The following XRN1 variants were observed in gnomAD, a reference collection of about 807,000 sequenced individuals.
XRN1 encodes the protein 5'-3' exoribonuclease 1, also known as strand-exchange protein 1 homolog.
A neutral mutation model predicts 222.3 loss-of-function variants in XRN1; 67 were observed. That is an observed-to-expected ratio of 0.30 (90% CI 0.25 to 0.37). The LOEUF (loss-of-function observed/expected upper bound fraction) is 0.37, where lower values mean the gene tolerates loss of function less well. Ranked by LOEUF, XRN1 falls within the 10% of genes least tolerant of loss-of-function variation. The probability of loss-of-function intolerance (pLI) is 1.00; values close to 1 mark genes in which losing one functional copy is unlikely to be tolerated. For missense variants in XRN1, 1,707 were observed against 2,000.2 expected, an observed-to-expected ratio of 0.85 and a Z score of 2.80; for synonymous variants, 643 against 652.4, an observed-to-expected ratio of 0.99 and a Z score of 0.22.
chr3:142,328,827 T>G (rs926472600), intron 37 of XRN1, among the ~76,000 whole-genome samples: 3 of 142,390 alleles, frequency 2.1e-5, no homozygotes, highest in Admixed American at 7.3e-5. Context: ...GGCATAATCG[T>G]GGCTCACTGA....
chr3:142,332,603 A>T, intron 35 of XRN1, 69 bp from the exon 36 acceptor site: 5 of 1,361,852 alleles, frequency 3.7e-6, no homozygotes, highest in Non-Finnish European at 4.0e-6. Context: ...CATCTGTAGA[A>T]CTTATTGATC....
chr3:142,410,442 G>C (rs561645272), intron 15 of XRN1, among the ~76,000 whole-genome samples: 39 of 148,124 alleles, frequency 2.6e-4, no homozygotes, highest in African/African-American at 7.2e-4. Context: ...ATCCCATTTG[G>C]TCATGAGTAT....
intron 12 of XRN1, 49 bp from the exon 13 acceptor site, chr3:142,417,278 G>C (rs374181180): frequency 6.6e-7 from 1 of 1,510,400 alleles, no homozygotes; most frequent in South Asian, 1.1e-5. Flanking sequence ...AGACAGGCCC[G>C]TGTCTTTAGA....
chr3:142,419,054 T>A (rs1478677946), intron 10 of XRN1, among the ~76,000 whole-genome samples, 173 bp from the exon 11 acceptor site: 1 of 152,220 alleles, frequency 6.6e-6, no homozygotes. Context: ...CTCTCCTCTA[T>A]TCTCTGATTT....
At chr3:142,318,438 G>T (rs1194085726) in intron 39 of XRN1, among the ~76,000 whole-genome samples, 154 bp downstream of exon 39, 1 of 152,140 alleles carries the variant, frequency 6.6e-6, no homozygotes, top group East Asian at 1.9e-4. Context: ...GGAAGAGAAT[G>T]GTACTTTTAG....
intron 5 of XRN1, among the ~76,000 whole-genome samples, chr3:142,424,894 T>C (rs2069186077): frequency 6.6e-6 from 1 of 152,096 alleles, no homozygotes; most frequent in African/African-American, 2.4e-5. Flanking sequence ...ATCTGGAGCA[T>C]GGAGTTTTCA....
rs1341403353 is a variant in XRN1 at position 142,432,139 on chromosome 3, AAATATAT to A, written c.308+515_308+521del. 2.0e-3 allele frequency among the ~76,000 whole-genome samples: 254 copies of A among 127,132 alleles called. 1 individual carries two copies. The highest frequency in any genetic ancestry group is 7.2e-3 in the African/African-American group (233 of 32,392). The allele number at this position is 127,132 out of a possible 152,430, so 83.4% of individuals were successfully genotyped here. On this transcript the variant is annotated intron_variant, in intron 2 of 40. Transcript: ENST00000392981. ...ATATAAATATATTTTCATATATATA[AAATATAT>A]AATATATAATTTATATATAAATATA...
chr3:142,375,974 G>GCGTGCACACA, intron 24 of XRN1, 30 bp from the exon 25 acceptor site: 2 of 1,447,366 alleles, frequency 1.4e-6, no homozygotes, highest in South Asian at 2.8e-5. Flanking sequence ...GCGCACACGT[G>GCGTGCACACA]CACACACACA....
intron 33 of XRN1, among the ~76,000 whole-genome samples, chr3:142,341,945 C>G (rs2066005874): frequency 6.6e-6 from 1 of 152,072 alleles, no homozygotes; most frequent in African/African-American, 2.4e-5. Context: ...GCAAATATTA[C>G]TGGAGCTAAA....
At chr3:142,331,844 G>C (rs1181510196) in intron 36 of XRN1, among the ~76,000 whole-genome samples, 5 of 152,030 alleles carry the variant, frequency 3.3e-5, no homozygotes, top group Non-Finnish European at 4.4e-5. Context: ...GCGTGATCTT[G>C]GCTCACTGCA....
At position 142,426,860 on chromosome 3, in the gene XRN1, A is replaced by G. The variant is rs759736882; in HGVS notation, c.309-19T>C. ...TGCTGACCTTAAAGGTTAAGGGAAA[A>G]AAGTACCTTAAGTTTTCTGAAAAAA... On this transcript the variant is annotated intron_variant, in intron 2 of 40. Coordinates refer to ENST00000392981, the MANE Select transcript of XRN1 (RefSeq NM_001282857.2). 2 of 1,600,384 alleles carry G rather than the reference A, an allele frequency of 1.2e-6. No homozygotes were observed.
chr3:142,375,779 T>C lies in XRN1; in HGVS notation c.2978+19A>G, dbSNP rs1190487733. The C allele has an allele frequency of 7.5e-6, 12 of 1,596,450 alleles. No individual in the cohort carries two copies. Among genetic ancestry groups the C allele is most frequent in the South Asian group, 2.3e-5 (2 of 88,192 alleles). The stretch of plus-strand genomic sequence containing the variant: ...CCTAAGATTTTGGAATGACTACTAG[T>C]ATCTTATTATGTACTTACCTCTCTA... On this transcript the variant is annotated intron_variant, in intron 25 of 40. Coordinates refer to ENST00000392981, the MANE Select transcript of XRN1 (RefSeq NM_001282857.2).
chr3:142,405,541 A>T (rs1000933662), intron 15 of XRN1, among the ~76,000 whole-genome samples: 1 of 152,192 alleles, frequency 6.6e-6, no homozygotes, highest in Admixed American at 6.5e-5. Flanking sequence ...AGAATAAGAT[A>T]CCAGTGTTAA....
At chr3:142,347,765 T>A (rs958345444) in intron 32 of XRN1, among the ~76,000 whole-genome samples, 1 of 151,548 alleles carries the variant, frequency 6.6e-6, no homozygotes, top group Non-Finnish European at 1.5e-5. Flanking sequence ...GCCTGGCTAG[T>A]TTTTGTATTT....
At chr3:142,346,094 C>A (rs531830722) in intron 33 of XRN1, among the ~76,000 whole-genome samples, 1 of 152,326 alleles carries the variant, frequency 6.6e-6, no homozygotes, top group South Asian at 2.1e-4. Flanking sequence ...ATATTCATAG[C>A]AGCATTATTC....
At chr3:142,319,506 T>C (rs1247779980) in intron 37 of XRN1, among the ~76,000 whole-genome samples, 1 of 152,172 alleles carries the variant, frequency 6.6e-6, no homozygotes, top group Non-Finnish European at 1.5e-5. Context: ...AAAAGCTTGT[T>C]TTGTTTTGGT....
At position 142,447,977 on chromosome 3, in the gene XRN1, A is replaced by T. The variant is rs1268788315; in HGVS notation, c.-33T>A. 1.2e-6 allele frequency: 2 copies of T among 1,609,498 alleles called. No homozygotes were observed. Among genetic ancestry groups the T allele is most frequent in the South Asian group, 1.1e-5 (1 of 90,788 alleles). ...GTCAACACTAATCCCAGTCAGGGCC[A>T]AACCGAAACCAAACGCCCCGCCGGG... is the stretch of plus-strand genomic sequence containing the variant. On this transcript the variant is annotated 5_prime_UTR_variant, in exon 1 of 41. Transcript: ENST00000392981. The surrounding 1 kb of genome is among the most constrained non-coding windows in gnomAD (Gnocchi z 4.2).
intron 1 of XRN1, among the ~76,000 whole-genome samples, chr3:142,439,098 A>C (rs2070071878): frequency 1.3e-5 from 2 of 152,212 alleles, no homozygotes; most frequent in Non-Finnish European, 2.9e-5. Context: ...GACTTAAAGC[A>C]AATTAAAATA....
In XRN1 at chr3:142,422,868, T is replaced by G; in HGVS notation, c.765A>C (p.Arg255Ser). 6.2e-7 allele frequency: 1 copy of G among 1,612,550 alleles called. No homozygotes were observed. The highest frequency in any genetic ancestry group is 8.5e-7 in the Non-Finnish European group (1 of 1,179,014). Residue 255 changes from arginine (R) to serine (S), a missense_variant, in exon 7 of 41, where the codon AGA becomes AGC. Physicochemically the swap from Arg to Ser is moderately radical, Grantham distance 110 (BLOSUM62 -1). Around this residue, in one of 2 missense-constraint regions of XRN1, gnomAD observed 1,234 missense variants for 1,518.2 expected, o/e 0.81. Transcript: ENST00000392981. Reference sequence around the variant, plus strand: ...CTGAAAACTCATAGTCAATATACTCTCTCATTAAAGACAAGTGTAGAAGGT... The same window carrying G: ...CTGAAAACTCATAGTCAATATACTCGCTCATTAAAGACAAGTGTAGAAGGT... ...TFHLLHLSLM[R>S]EYIDYEFSVL... is the part of the protein sequence containing the mutation.
Sources: allele counts gnomAD v4.1 joint callset (sites outside exome capture counted in the v4.1 genomes callset), GRCh38; gene constraint gnomAD v4.1.1; regional missense constraint gnomAD v4.1.1; non-coding constraint Gnocchi (gnomAD v3.1); transcripts MANE v1.5; gene names NCBI Gene and HGNC (gene_info 2026-07-23, HGNC 2026-07-21).